The following ZNF618 variants were observed in gnomAD, a reference collection of about 807,000 sequenced individuals.
ZNF618 encodes the protein neural precursor cell expressed, developmentally down-regulated 10.
ZNF618 carries 34 observed loss-of-function variants against 103.0 expected under a neutral mutation model. The ratio of observed to expected loss-of-function variants is 0.33; its 90% CI spans 0.25 to 0.44. The LOEUF (loss-of-function observed/expected upper bound fraction) is 0.44, where lower values mean the gene tolerates loss of function less well. ZNF618 is among the 20% of genes least tolerant of loss of function. ZNF618 has a pLI of 1.00. For missense variants in ZNF618, 1,059 were observed against 1,295.4 expected, an observed-to-expected ratio of 0.82 and a Z score of 2.80; for synonymous variants, 551 against 542.2, an observed-to-expected ratio of 1.02 and a Z score of -0.23.
chr9:113,984,697 C>T (rs985834734), intron 2 of ZNF618, among the ~76,000 whole-genome samples: 1 of 152,168 alleles, frequency 6.6e-6, no homozygotes, highest in African/African-American at 2.4e-5. Context: ...GGGCCGGGGG[C>T]CCCATCTGTT....
Position 114,048,710 on chromosome 9 carries a change from G to T in ZNF618, c.1408G>T (p.Ala470Ser). 2 of 1,613,968 alleles carry T rather than the reference G, an allele frequency of 1.2e-6. No individual in the cohort carries two copies. Among genetic ancestry groups the T allele is most frequent in the Middle Eastern group, 1.6e-4 (1 of 6,062 alleles). The change falls in exon 15 of 15, where the codon GCA becomes TCA. Residue 470 changes from alanine to serine, a missense_variant. Transcript: ENST00000374126. ...MIPEKERQNI[A>S]ERLLRVMCAD... ...CCCCGAAAAGGAGCGGCAGAACATC[G>T]CAGAGCGGCTGTTGAGGGTCATGTG...
intron 1 of ZNF618, among the ~76,000 whole-genome samples, chr9:113,929,859 T>G (rs2131822924): frequency 6.6e-6 from 1 of 152,352 alleles, no homozygotes; most frequent in African/African-American, 2.4e-5. Context: ...TTTGTCTTTA[T>G]TGTTGCTTTA....
At chr9:113,988,202 C>T (rs983455581) in intron 2 of ZNF618, 119 bp from the exon 3 acceptor site, 12 of 1,364,194 alleles carry the variant, frequency 8.8e-6, no homozygotes, top group African/African-American at 1.5e-5. Flanking sequence ...CTAAGGGGGC[C>T]GGGGGCCCTA....
intron 1 of ZNF618, among the ~76,000 whole-genome samples, chr9:113,961,798 G>A (rs535416334): frequency 6.6e-4 from 100 of 152,290 alleles, no homozygotes; most frequent in Middle Eastern, 3.4e-3. Flanking sequence ...CTTTTAAATG[G>A]CATTTTTTAG....
chr9:113,965,674 A>G (rs996713759), intron 1 of ZNF618, among the ~76,000 whole-genome samples: 1 of 152,032 alleles, frequency 6.6e-6, no homozygotes, highest in African/African-American at 2.4e-5. Flanking sequence ...CCCATTTTTT[A>G]CCTATGGAGA....
chr9:114,009,498 G>A (rs373244144), intron 9 of ZNF618, among the ~76,000 whole-genome samples: 1 of 152,246 alleles, frequency 6.6e-6, no homozygotes, highest in South Asian at 2.1e-4. Flanking sequence ...TAGATTGGGA[G>A]GGGCTGGGTG....
chr9:114,001,860 G>T, intron 4 of ZNF618, 136 bp from the exon 5 acceptor site: 1 of 771,062 alleles, frequency 1.3e-6, no homozygotes, highest in Non-Finnish European at 2.3e-6. Flanking sequence ...TTCTAGCTCG[G>T]TGCTGCCTCC....
chr9:113,932,894 T>C (rs1310319278), intron 1 of ZNF618, among the ~76,000 whole-genome samples: 1 of 152,160 alleles, frequency 6.6e-6, no homozygotes, highest in Non-Finnish European at 1.5e-5. Context: ...CAGGGCTGAA[T>C]ATTAAATTGC....
At chr9:113,949,100 G>A (rs1331089110) in intron 1 of ZNF618, among the ~76,000 whole-genome samples, 1 of 152,198 alleles carries the variant, frequency 6.6e-6, no homozygotes, top group Admixed American at 6.5e-5. Context: ...GATGAAATGG[G>A]TGACGGAAGA....
intron 1 of ZNF618, among the ~76,000 whole-genome samples, chr9:113,886,922 A>G (rs2130919870): frequency 6.6e-6 from 1 of 151,694 alleles, no homozygotes; most frequent in Admixed American, 6.6e-5. Context: ...ATTAGATTAA[A>G]TAAGATATAT....
intron 1 of ZNF618, among the ~76,000 whole-genome samples, chr9:113,910,089 A>G (rs1831387603): frequency 6.6e-6 from 1 of 151,948 alleles, no homozygotes; most frequent in African/African-American, 2.4e-5. Flanking sequence ...AGCCTAGCCT[A>G]TTTTTATGAA....
chr9:113,925,052 ATGT>A (rs2131719892), intron 1 of ZNF618, among the ~76,000 whole-genome samples: 1 of 152,088 alleles, frequency 6.6e-6, no homozygotes, highest in South Asian at 2.1e-4. Context: ...TTGATTGATG[ATGT>A]TGTTTAATTT....
chr9:113,922,611 T>C (rs1832746447), intron 1 of ZNF618, among the ~76,000 whole-genome samples: 1 of 152,176 alleles, frequency 6.6e-6, no homozygotes, highest in Non-Finnish European at 1.5e-5. Context: ...GGTATATTTT[T>C]GGGCTTTCTA....
At chr9:113,897,606 A>G (rs539206431) in intron 1 of ZNF618, among the ~76,000 whole-genome samples, 3 of 152,214 alleles carry the variant, frequency 2.0e-5, no homozygotes, top group East Asian at 1.9e-4. Context: ...AGTTATCTCT[A>G]TATATCCATA....
intron 2 of ZNF618, among the ~76,000 whole-genome samples, chr9:113,969,364 C>T (rs568947905): frequency 6.6e-6 from 1 of 152,274 alleles, no homozygotes; most frequent in Admixed American, 6.5e-5. Context: ...GACCAGAATC[C>T]AAGGATGGTT....
At chr9:114,031,240 A>G (rs1325538712) in intron 11 of ZNF618, among the ~76,000 whole-genome samples, 1 of 149,556 alleles carries the variant, frequency 6.7e-6, no homozygotes, top group East Asian at 2.0e-4. Context: ...CCCCACCCCC[A>G]CCCCTTTCCC....
intron 2 of ZNF618, among the ~76,000 whole-genome samples, chr9:113,986,224 A>G (rs1448882190): frequency 6.6e-6 from 1 of 152,150 alleles, no homozygotes; most frequent in Non-Finnish European, 1.5e-5. Flanking sequence ...CATTTTGCAG[A>G]CGGCGAAACC....
In ZNF618 at chr9:113,981,240, T is replaced by G. The variant is rs186205953; in HGVS notation, c.78-7081T>G. 1.8e-3 allele frequency among the ~76,000 whole-genome samples: 272 copies of G among 152,228 alleles called. 1 individual carries two copies. The highest frequency in any genetic ancestry group is 3.1e-3 in the Non-Finnish European group (209 of 68,004). ...AGGCTTTTTTCTCCACCCTTAACATTGTTAAAGGTGGGTGAGGTGTGAGAG... is the reference window on the plus strand; with the variant it reads ...AGGCTTTTTTCTCCACCCTTAACATGGTTAAAGGTGGGTGAGGTGTGAGAG... On this transcript the variant is annotated intron_variant, in intron 2 of 14. Transcript: ENST00000374126.
chr9:113,947,410 G>A (rs917789687), intron 1 of ZNF618, among the ~76,000 whole-genome samples: 4 of 152,142 alleles, frequency 2.6e-5, no homozygotes, highest in African/African-American at 9.7e-5. Context: ...TGTGATGGTG[G>A]GAATAATTAT....
Sources: gnomAD v4.1 joint callset for allele counts (sites outside exome capture counted in the v4.1 genomes callset) on GRCh38, gnomAD v4.1.1 for gene constraint, MANE v1.5 for transcripts, NCBI Gene and HGNC (gene_info 2026-07-23, HGNC 2026-07-21) for gene names.